SLC6A6: variants seen among roughly 807,000 people sequenced by gnomAD.
SLC6A6 encodes the protein solute carrier family 6 member 6.
Under a neutral mutation model 68.8 loss-of-function variants are expected in SLC6A6, and 16 were observed. The observed-to-expected ratio is 0.23, with a 90% CI of 0.16 to 0.35. The LOEUF is 0.35. Among genes scored for constraint, SLC6A6 ranks in the 10% least tolerant of loss-of-function variants. The pLI, the probability that SLC6A6 is intolerant of heterozygous loss-of-function variation, is 1.00. For synonymous variants in SLC6A6, 312 were observed against 315.4 expected, an observed-to-expected ratio of 0.99 and a Z score of 0.12; for missense variants, 474 against 802.8, an observed-to-expected ratio of 0.59 and a Z score of 4.95.
chr3:14,429,460 C>G (rs894520831), intron 2 of SLC6A6, among the ~76,000 whole-genome samples: 4 of 152,238 alleles, frequency 2.6e-5, no homozygotes, highest in African/African-American at 9.6e-5. Flanking sequence ...CCTGGCCCAG[C>G]CCCTAGATGC....
intron 2 of SLC6A6, among the ~76,000 whole-genome samples, chr3:14,425,137 T>C (rs999688312): frequency 2.6e-5 from 4 of 152,136 alleles, no homozygotes; most frequent in Non-Finnish European, 5.9e-5. Flanking sequence ...GCAAATCCAA[T>C]TGTGTATTCG....
chr3:14,463,392 AAACT>A (rs950361177), intron 6 of SLC6A6, among the ~76,000 whole-genome samples: 2 of 152,254 alleles, frequency 1.3e-5, no homozygotes, highest in Admixed American at 6.5e-5. Context: ...CTTGTTAAAT[AAACT>A]AACTACGTGA....
rs1700918206 is a variant in SLC6A6, at chr3:14,477,993, T to C, written c.1348-473T>C. Among the ~76,000 whole-genome samples the C allele has an allele frequency of 6.7e-6, 1 of 148,906 alleles. No individual in the cohort carries two copies. On this transcript the variant is annotated intron_variant, in intron 11 of 14. Coordinates refer to ENST00000622186, the MANE Select transcript of SLC6A6 (RefSeq NM_003043.6). This position sits in a 1 kb window ranked among gnomAD's most constrained non-coding sequence, Gnocchi z 4.2. ...AAGCCAGGGCACGCTCTCTCCTGCA[T>C]GCCCCCCCCCACCACCTCCCCTGTT...
intron 2 of SLC6A6, among the ~76,000 whole-genome samples, chr3:14,434,285 G>A (rs1352768673): frequency 6.6e-6 from 1 of 152,184 alleles, no homozygotes; most frequent in Non-Finnish European, 1.5e-5. Flanking sequence ...GTTGGTGTCT[G>A]GAAAGGGCTT....
chr3:14,446,682 G>A (rs780007489), intron 4 of SLC6A6, among the ~76,000 whole-genome samples: 2 of 152,164 alleles, frequency 1.3e-5, no homozygotes, highest in Non-Finnish European at 2.9e-5. Flanking sequence ...CTTTGAGAAG[G>A]TCACTTTATA....
At chr3:14,409,425 C>G (rs985259325) in intron 1 of SLC6A6, among the ~76,000 whole-genome samples, 1 of 152,260 alleles carries the variant, frequency 6.6e-6, no homozygotes, top group Non-Finnish European at 1.5e-5. Flanking sequence ...CTTTATCCCC[C>G]TTCCTGTCTC....
Position 14,485,072 on chromosome 3 carries a change from C to T in SLC6A6, c.*65C>T, listed in dbSNP as rs541010494. 1.5e-4 allele frequency: 216 copies of T among 1,415,952 alleles called. 1 individual carries two copies. In the South Asian group the frequency reaches 2.3e-3, roughly 15 times the overall value. The allele number at this position is 1,415,952 out of a possible 1,614,324, so 87.7% of individuals were successfully genotyped here. On this transcript the variant is annotated 3_prime_UTR_variant, in exon 15 of 15. Transcript: ENST00000622186. ...TTACTAACATTAGATTCTCATAGGA[C>T]CAGGTTTACAGAGCTTTATATTTGC...
At chr3:14,455,240 T>C (rs1169696275) in intron 5 of SLC6A6, among the ~76,000 whole-genome samples, 1 of 152,220 alleles carries the variant, frequency 6.6e-6, no homozygotes, top group East Asian at 1.9e-4. Flanking sequence ...ACTCATTTTC[T>C]TTGTTGTAGA....
intron 1 of SLC6A6, among the ~76,000 whole-genome samples, chr3:14,414,179 T>C (rs1247892050): frequency 6.6e-6 from 1 of 152,184 alleles, no homozygotes; most frequent in Non-Finnish European, 1.5e-5. Flanking sequence ...TCTCCATGGA[T>C]GCCCTAGCTG....
At chr3:14,433,188 C>A (rs1400692143) in intron 2 of SLC6A6, among the ~76,000 whole-genome samples, 2 of 152,198 alleles carry the variant, frequency 1.3e-5, no homozygotes, top group East Asian at 3.8e-4. Flanking sequence ...TCAGCCAGAG[C>A]TTTTGTTCCC....
intron 2 of SLC6A6, among the ~76,000 whole-genome samples, chr3:14,432,179 G>A (rs1699739971): frequency 6.6e-6 from 1 of 152,210 alleles, no homozygotes; most frequent in African/African-American, 2.4e-5. Context: ...AGCCAACAAG[G>A]AGCAGGGCTT....
At chr3:14,471,684 C>T (rs1236283162) in intron 9 of SLC6A6, among the ~76,000 whole-genome samples, 1 of 152,208 alleles carries the variant, frequency 6.6e-6, no homozygotes, top group African/African-American at 2.4e-5. Context: ...CAAATGCACC[C>T]CTGAAGAGAC....
At chr3:14,459,100 GC>G (rs1700436091) in intron 6 of SLC6A6, among the ~76,000 whole-genome samples, 1 of 152,132 alleles carries the variant, frequency 6.6e-6, no homozygotes, top group African/African-American at 2.4e-5. Flanking sequence ...TGAACCCAGG[GC>G]CCTAAGCTAT....
At chr3:14,467,790 C>G (rs1206971955) in intron 7 of SLC6A6, 63 bp from the exon 8 acceptor site, 1 of 1,014,226 alleles carries the variant, frequency 9.9e-7, no homozygotes, top group Non-Finnish European at 1.5e-6. Flanking sequence ...CTCGCTGCCT[C>G]CTCCAGGAAG....
At chr3:14,451,355 G>A (rs1158075263) in intron 5 of SLC6A6, among the ~76,000 whole-genome samples, 5 of 152,220 alleles carry the variant, frequency 3.3e-5, no homozygotes, top group Non-Finnish European at 7.3e-5. Context: ...GGCTTTGAAG[G>A]ATGAGTAGAA....
intron 1 of SLC6A6, among the ~76,000 whole-genome samples, chr3:14,410,015 A>G (rs1699208973): frequency 6.6e-6 from 1 of 151,996 alleles, no homozygotes; most frequent in Non-Finnish European, 1.5e-5. Context: ...GTGAAACCCC[A>G]TTTCTACTAA....
At chr3:14,416,773 T>G (rs745185) in intron 2 of SLC6A6, among the ~76,000 whole-genome samples, 1 of 152,270 alleles carries the variant, frequency 6.6e-6, no homozygotes, top group South Asian at 2.1e-4. Flanking sequence ...GGGGCAAGTC[T>G]GCCGTGGGGA....
intron 7 of SLC6A6, among the ~76,000 whole-genome samples, 196 bp downstream of exon 7, chr3:14,466,846 T>C (rs1254715524): frequency 6.6e-6 from 1 of 152,178 alleles, no homozygotes; most frequent in Non-Finnish European, 1.5e-5. Context: ...TGATGGACCT[T>C]TCTAGCTGTG....
chr3:14,443,631 G>C lies in SLC6A6; in HGVS notation c.-4G>C, dbSNP rs949183097. Reference sequence around the variant, plus strand: ...CTCTTTTGTCCCCCATAGAAAGCAAGGAGATGGCCACCAAGGAGAAGCTGC... The same window carrying C: ...CTCTTTTGTCCCCCATAGAAAGCAACGAGATGGCCACCAAGGAGAAGCTGC... On this transcript the variant is annotated 5_prime_UTR_variant, in exon 3 of 15. Coordinates refer to ENST00000622186, the MANE Select transcript of SLC6A6 (RefSeq NM_003043.6). 2 of 1,604,714 alleles carry C rather than the reference G, an allele frequency of 1.2e-6. No individual in the cohort carries two copies. Among genetic ancestry groups the C allele is most frequent in the Non-Finnish European group, 1.7e-6 (2 of 1,172,498 alleles).
Sources: allele counts gnomAD v4.1 joint callset (sites outside exome capture counted in the v4.1 genomes callset), GRCh38; gene constraint gnomAD v4.1.1; non-coding constraint Gnocchi (gnomAD v3.1); transcripts MANE v1.5; gene names NCBI Gene and HGNC (gene_info 2026-07-23, HGNC 2026-07-21).